The following STK31 variants were observed in gnomAD, a reference collection of about 807,000 sequenced individuals.
The protein encoded by STK31 is serine/threonine kinase 31, also known as serine/threonine-protein kinase 31.
A neutral mutation model predicts 129.7 loss-of-function variants in STK31; 89 were observed. The observed-to-expected ratio is 0.69, with a 90% CI of 0.58 to 0.82. The LOEUF is 0.82. STK31 is among the 40% of genes least tolerant of loss of function. The pLI is 0.00. For synonymous variants in STK31, 448 were observed against 395.3 expected (o/e 1.13, Z -1.58); for missense variants, 1,187 against 1,176.4 (o/e 1.01, Z -0.13).
intron 22 of STK31, 105 bp downstream of exon 22, chr7:23,791,051 T>C (rs1176481366): frequency 3.1e-5 from 34 of 1,095,094 alleles, no homozygotes; most frequent in Admixed American, 7.8e-5. Context: ...AGCAGACTTT[T>C]AGTAGAACTT....
chr7:23,736,781 T>G (rs1787743872), intron 7 of STK31, 123 bp from the exon 8 acceptor site: 6 of 709,078 alleles, frequency 8.5e-6, no homozygotes, highest in Admixed American at 3.8e-5. Context: ...AGGTAAATAT[T>G]TTAGTTTTCA....
chr7:23,753,647 T>C (rs1030404658), intron 9 of STK31, among the ~76,000 whole-genome samples: 7 of 152,164 alleles, frequency 4.6e-5, no homozygotes, highest in African/African-American at 1.7e-4. Context: ...GAACCTGTGG[T>C]GGTAGGGGGC....
intron 8 of STK31, among the ~76,000 whole-genome samples, chr7:23,741,006 G>T (rs947775643): frequency 6.6e-6 from 1 of 152,212 alleles, no homozygotes; most frequent in Middle Eastern, 3.4e-3. Context: ...ACCAGCAAGG[G>T]TTATTTGTTC....
At chr7:23,770,724 G>A (rs1188833467) in intron 13 of STK31, among the ~76,000 whole-genome samples, 1 of 152,080 alleles carries the variant, frequency 6.6e-6, no homozygotes, top group South Asian at 2.1e-4. Flanking sequence ...CCCTGCCTCA[G>A]CCTCCCTTGT....
chr7:23,808,546 A>G (rs1792866720), intron 22 of STK31, among the ~76,000 whole-genome samples: 1 of 151,818 alleles, frequency 6.6e-6, no homozygotes, highest in African/African-American at 2.4e-5. Flanking sequence ...GCTTTGTTTC[A>G]CTTTTTTTGG....
At chr7:23,787,742 A>T (rs967191636) in intron 20 of STK31, among the ~76,000 whole-genome samples, 21 of 4,164 alleles carry the variant, frequency 5.0e-3, no homozygotes, top group African/African-American at 0.021. Flanking sequence ...GTATGATTGT[A>T]CACACACACA....
intron 14 of STK31, chr7:23,771,574 T>G (rs1366585452): frequency 6.5e-6 from 1 of 153,132 alleles, no homozygotes; most frequent in East Asian, 1.9e-4. Context: ...TTTTTCTATA[T>G]GATTTTTCTA....
intron 11 of STK31, among the ~76,000 whole-genome samples, chr7:23,765,950 G>A (rs1464187723): frequency 1.3e-5 from 2 of 152,100 alleles, no homozygotes; most frequent in Non-Finnish European, 2.9e-5. Context: ...CAATTGTCTA[G>A]GATTTTAGTC....
chr7:23,741,049 A>G (rs933369554), intron 8 of STK31, among the ~76,000 whole-genome samples: 1 of 152,190 alleles, frequency 6.6e-6, no homozygotes, highest in East Asian at 1.9e-4. Flanking sequence ...AATGAATTTT[A>G]AACATATTTG....
At chr7:23,787,885 A>G in intron 20 of STK31, 95 bp from the exon 21 acceptor site, 1 of 1,221,420 alleles carries the variant, frequency 8.2e-7, no homozygotes, top group Non-Finnish European at 1.1e-6. Flanking sequence ...AGGAAACTTT[A>G]CTCACTTCTA....
rs71552259 is a variant in STK31, at chr7:23,814,146, C to CT, written c.2761-996dup. Among the ~76,000 whole-genome samples, 312 of 98,942 alleles carry CT rather than the reference C, an allele frequency of 3.2e-3. 47 individuals are homozygous for CT. The highest frequency in any genetic ancestry group is 0.013 in the African/African-American group (289 of 22,120). The allele number at this position is 98,942 out of a possible 152,430, so 64.9% of individuals were successfully genotyped here. ...GTTGGGAAACATCAGATCTGGCTCA[C>CT]TTATTTTTTTTTTTTTTTCAGTTGG... is the stretch of plus-strand genomic sequence containing the variant. On this transcript the variant is annotated intron_variant, in intron 22 of 23. Coordinates refer to ENST00000355870, the MANE Select transcript of STK31 (RefSeq NM_031414.5).
intron 8 of STK31, among the ~76,000 whole-genome samples, chr7:23,748,172 T>A (rs1234483303): frequency 6.6e-6 from 1 of 152,240 alleles, no homozygotes; most frequent in Non-Finnish European, 1.5e-5. Context: ...AAAGTATTTT[T>A]AAATTTGTCA....
rs1472581006 is a variant in STK31 at position 23,737,066 on chromosome 7, C to G, written c.1005C>G (p.Ala335=). The part of the protein sequence containing the change: ...KALELKVEQI[A]QELQQEKAAA... ...TAGAATTGAAAGTAGAGCAGATTGCCCAGGAGCTGCAGGTATGTTCAGTGG... is the reference window on the plus strand; with the variant it reads ...TAGAATTGAAAGTAGAGCAGATTGCGCAGGAGCTGCAGGTATGTTCAGTGG... Residue 335 remains alanine (A), a synonymous_variant, in exon 8 of 24, where the codon GCC becomes GCG. Coordinates refer to ENST00000355870, the MANE Select transcript of STK31 (RefSeq NM_031414.5). 6.2e-7 allele frequency: 1 copy of G among 1,605,700 alleles called. No homozygotes were observed. The highest frequency in any genetic ancestry group is 8.5e-7 in the Non-Finnish European group (1 of 1,178,528).
intron 10 of STK31, among the ~76,000 whole-genome samples, chr7:23,755,673 TGTGTAAA>T (rs1479353997): frequency 5.3e-5 from 8 of 152,226 alleles, no homozygotes; most frequent in African/African-American, 1.4e-4. Context: ...AGTTAATTTT[TGTGTAAA>T]GTGTAAGGAA....
intron 10 of STK31, among the ~76,000 whole-genome samples, chr7:23,760,210 C>T (rs530675119): frequency 6.6e-5 from 10 of 152,330 alleles, no homozygotes; most frequent in Non-Finnish European, 1.2e-4. Flanking sequence ...CTTTCCCTAG[C>T]ACCTGTGAGC....
At chr7:23,721,318 T>A in intron 4 of STK31, 1 of 678,176 alleles carries the variant, frequency 1.5e-6, no homozygotes, top group Non-Finnish European at 2.6e-6. Flanking sequence ...TATTTGTCTC[T>A]AAAATATGTC....
chr7:23,826,633 C>T (rs904737407), intron 23 of STK31, among the ~76,000 whole-genome samples: 1 of 152,102 alleles, frequency 6.6e-6, no homozygotes, highest in African/African-American at 2.4e-5. Flanking sequence ...GAATTTGATC[C>T]TGTCATTATG....
intron 10 of STK31, among the ~76,000 whole-genome samples, chr7:23,760,627 C>G (rs1178769846): frequency 6.6e-6 from 1 of 152,054 alleles, no homozygotes; most frequent in African/African-American, 2.4e-5. Context: ...GGAAATTGTT[C>G]AAGATTACCT....
chr7:23,769,695 T>C lies in STK31; in HGVS notation c.1652T>C (p.Ile551Thr), dbSNP rs772105990. The change falls in exon 13 of 24, where the codon ATT (isoleucine) becomes ACT (threonine). Residue 551 changes from isoleucine (I) to threonine (T), a missense_variant. Physicochemically the swap from Ile to Thr is moderately conservative, Grantham distance 89 (BLOSUM62 -1). This residue lies in a region of STK31 where 975 missense variants were observed against 934.9 expected (regional missense o/e 1.04). Transcript: ENST00000355870. ...SLISEDAMDN[I>T]DEILEKTESS... ...ATTTCAGAAGACGCAATGGATAATA[T>C]TGATGAAATCCTAGAGAAGACTGAG... 4.3e-6 allele frequency: 7 copies of C among 1,611,546 alleles called. No individual in the cohort carries two copies. Among genetic ancestry groups the C allele is most frequent in the African/African-American group, 4.0e-5 (3 of 74,860 alleles).
Sources: allele counts gnomAD v4.1 joint callset (sites outside exome capture counted in the v4.1 genomes callset), GRCh38; gene constraint gnomAD v4.1.1; regional missense constraint gnomAD v4.1.1; transcripts MANE v1.5; gene names NCBI Gene and HGNC (gene_info 2026-07-23, HGNC 2026-07-21).